The following FMN1 variants were observed in gnomAD, a reference collection of about 807,000 sequenced individuals.
FMN1 encodes formin-1.
Under a neutral mutation model 132.4 loss-of-function variants are expected in FMN1, and 110 were observed. The ratio of observed to expected loss-of-function variants is 0.83; its 90% CI spans 0.71 to 0.97. The LOEUF (loss-of-function observed/expected upper bound fraction) is 0.97. Ranked by LOEUF, FMN1 falls within the 50% of genes least tolerant of loss-of-function variation. FMN1 has a pLI of 0.00. For synonymous variants in FMN1, 722 were observed against 651.7 expected (o/e 1.11, Z -1.64); for missense variants, 1,792 against 1,705.3 (o/e 1.05, Z -0.90).
rs568514323 is a variant in FMN1, at chr15:32,954,991, C to T, written c.3138+9116G>A. On this transcript the variant is annotated intron_variant, in intron 9 of 20. Transcript: ENST00000616417. ...GTGAGACTTTTTGTCTCAAAACAAA[C>T]AAAAAAATAAGCTGTGGGGTTGTTG... 5.9e-5 allele frequency among the ~76,000 whole-genome samples: 9 copies of T among 152,130 alleles called. 1 individual carries two copies. The highest frequency in any genetic ancestry group is 2.2e-4 in the African/African-American group (9 of 41,522).
intron 9 of FMN1, among the ~76,000 whole-genome samples, chr15:32,963,012 T>TA (rs1165639677): frequency 1.4e-5 from 2 of 141,938 alleles, no homozygotes; most frequent in African/African-American, 5.7e-5. Flanking sequence ...CAAAGGACTA[T>TA]AAATCATGCT....
chr15:33,145,186 G>A (rs1360402629), intron 4 of FMN1, among the ~76,000 whole-genome samples: 1 of 151,922 alleles, frequency 6.6e-6, no homozygotes, highest in Non-Finnish European at 1.5e-5. Flanking sequence ...GGCTGCACAA[G>A]GTGCCTCTTG....
chr15:33,089,506 A>G (rs1053672607), intron 4 of FMN1, among the ~76,000 whole-genome samples: 2 of 152,228 alleles, frequency 1.3e-5, no homozygotes, highest in African/African-American at 4.8e-5. Flanking sequence ...TGTCATCTCT[A>G]GAATCAAAGG....
Position 32,821,880 on chromosome 15 carries a change from C to T in FMN1, c.3929-17548G>A, listed in dbSNP as rs893485297. On this transcript the variant is annotated intron_variant, in intron 17 of 20. Coordinates refer to ENST00000616417, the MANE Select transcript of FMN1 (RefSeq NM_001277313.2). ...CCTTTCATTCTCCTCCTAAATTCTACGGTCACATCCAATGCCTCATCCCAT... is the reference window on the plus strand; with the variant it reads ...CCTTTCATTCTCCTCCTAAATTCTATGGTCACATCCAATGCCTCATCCCAT... Among the ~76,000 whole-genome samples, 8 of 152,174 alleles carry T rather than the reference C, an allele frequency of 5.3e-5. No homozygotes were observed. The East Asian group carries it at 7.7e-4, about 15-fold the overall frequency.
chr15:32,990,596 T>A (rs989397665), intron 7 of FMN1, among the ~76,000 whole-genome samples: 3 of 152,112 alleles, frequency 2.0e-5, no homozygotes, highest in African/African-American at 7.2e-5. Context: ...ATGTAAAGGA[T>A]AGCTGAATTT....
chr15:33,092,239 C>G (rs16964835), intron 4 of FMN1, among the ~76,000 whole-genome samples: 2,885 of 152,262 alleles, frequency 0.019, 88 homozygotes, highest in African/African-American at 0.066. Flanking sequence ...TGTCAATTAT[C>G]AAAACAACAG....
At chr15:33,127,981 A>C (rs949882459) in intron 4 of FMN1, among the ~76,000 whole-genome samples, 1 of 152,184 alleles carries the variant, frequency 6.6e-6, no homozygotes, top group African/African-American at 2.4e-5. Context: ...AAGGAAGGTA[A>C]CAGAAGGGCA....
At chr15:32,962,501 T>C (rs1246505629) in intron 9 of FMN1, among the ~76,000 whole-genome samples, 2 of 151,540 alleles carry the variant, frequency 1.3e-5, no homozygotes, top group Non-Finnish European at 2.9e-5. Flanking sequence ...TGGGATCTAA[T>C]TAAACTAAAG....
chr15:32,865,442 A>C (rs1375873943), intron 16 of FMN1, among the ~76,000 whole-genome samples: 1 of 152,242 alleles, frequency 6.6e-6, no homozygotes, highest in South Asian at 2.1e-4. Flanking sequence ...CAATATTACT[A>C]AACTAGGAAT....
At chr15:33,121,561 G>C (rs1414758118) in intron 4 of FMN1, among the ~76,000 whole-genome samples, 1 of 152,112 alleles carries the variant, frequency 6.6e-6, no homozygotes, top group African/African-American at 2.4e-5. Context: ...AGATAGTCTT[G>C]CTCTGTCGCC....
At chr15:33,152,342 GATGCT>G (rs1250333639) in intron 4 of FMN1, among the ~76,000 whole-genome samples, 1 of 152,128 alleles carries the variant, frequency 6.6e-6, no homozygotes, top group African/African-American at 2.4e-5. Flanking sequence ...CATAAGAAAT[GATGCT>G]ATACCAGTAA....
intron 19 of FMN1, among the ~76,000 whole-genome samples, chr15:32,791,083 G>A (rs1278919481): frequency 6.6e-6 from 1 of 152,114 alleles, no homozygotes. Context: ...TATCCAGTGA[G>A]AACACAAGGA....
At chr15:32,931,989 T>C (rs2061130358) in intron 9 of FMN1, among the ~76,000 whole-genome samples, 1 of 152,254 alleles carries the variant, frequency 6.6e-6, no homozygotes. Context: ...TTTTATCATT[T>C]GTTCTTTTAA....
intron 7 of FMN1, among the ~76,000 whole-genome samples, chr15:32,999,814 A>G (rs1216181804): frequency 6.6e-6 from 1 of 152,226 alleles, no homozygotes; most frequent in Non-Finnish European, 1.5e-5. Context: ...CAAAAACGAT[A>G]TTCTTAAGCT....
At chr15:32,861,565 A>G (rs2059268950) in intron 16 of FMN1, among the ~76,000 whole-genome samples, 1 of 152,252 alleles carries the variant, frequency 6.6e-6, no homozygotes, top group Non-Finnish European at 1.5e-5. Context: ...AGTGATTTGC[A>G]GAATGCCTGG....
At chr15:32,801,621 A>T (rs369726434) in intron 18 of FMN1, among the ~76,000 whole-genome samples, 1 of 149,894 alleles carries the variant, frequency 6.7e-6, no homozygotes, top group Non-Finnish European at 1.5e-5. Flanking sequence ...AAACAAAAAA[A>T]CAAAAACAAA....
At chr15:32,829,163 T>C (rs549717476) in intron 17 of FMN1, among the ~76,000 whole-genome samples, 1 of 152,352 alleles carries the variant, frequency 6.6e-6, no homozygotes, top group African/African-American at 2.4e-5. Context: ...TTCTCTGCTT[T>C]CTCAAGGTCT....
chr15:33,162,532 G>A (rs1964937446), intron 3 of FMN1, among the ~76,000 whole-genome samples: 1 of 152,154 alleles, frequency 6.6e-6, no homozygotes, highest in Non-Finnish European at 1.5e-5. Context: ...GCCTTGGACA[G>A]GTAGAGATTA....
At chr15:32,942,576 C>T (rs983924818) in intron 9 of FMN1, among the ~76,000 whole-genome samples, 33 of 152,222 alleles carry the variant, frequency 2.2e-4, no homozygotes, top group African/African-American at 7.5e-4. Context: ...AAGCCCTCTT[C>T]TTCCATGGAG....
Sources: allele counts gnomAD v4.1 joint callset (sites outside exome capture counted in the v4.1 genomes callset), GRCh38; gene constraint gnomAD v4.1.1; transcripts MANE v1.5; gene names NCBI Gene and HGNC (gene_info 2026-07-23, HGNC 2026-07-21).